PDE4D: variants seen among roughly 807,000 people sequenced by gnomAD.
PDE4D encodes the protein 3',5'-cyclic-AMP phosphodiesterase 4D.
Under a neutral mutation model 87.4 loss-of-function variants are expected in PDE4D, and 24 were observed. That is an observed-to-expected ratio of 0.27 (90% CI 0.20 to 0.39). The LOEUF (loss-of-function observed/expected upper bound fraction) is 0.39. PDE4D is among the 10% of genes least tolerant of loss of function. PDE4D has a pLI of 1.00. For synonymous variants in PDE4D, 384 were observed against 383.2 expected (o/e 1.00, Z -0.02); for missense variants, 714 against 1,041.0 (o/e 0.69, Z 4.32).
chr5:59,267,789 A>G (rs1019185082), intron 1 of PDE4D, among the ~76,000 whole-genome samples: 5 of 152,116 alleles, frequency 3.3e-5, no homozygotes, highest in East Asian at 1.9e-4. Flanking sequence ...ACTTTGGAAG[A>G]TGCAATCCTT....
At chr5:59,555,504 G>T (rs1242105487) in intron 1 of PDE4D, among the ~76,000 whole-genome samples, 4 of 152,024 alleles carry the variant, frequency 2.6e-5, no homozygotes, top group African/African-American at 9.7e-5. Context: ...TAAAATAAAA[G>T]TTTTGTTTTT....
At chr5:59,057,239 G>C (rs1762504804) in intron 5 of PDE4D, among the ~76,000 whole-genome samples, 1 of 152,174 alleles carries the variant, frequency 6.6e-6, no homozygotes, top group African/African-American at 2.4e-5. Context: ...TGCTGGGGCA[G>C]TGAGGGACCT....
chr5:60,039,439 G>C (rs1266841478), intron 2 of PDE4D, among the ~76,000 whole-genome samples: 1 of 150,294 alleles, frequency 6.7e-6, no homozygotes, highest in Non-Finnish European at 1.5e-5. Context: ...CTGTTGTGGG[G>C]TGGTGGGAGG....
At chr5:60,505,110 A>T (rs1414458413) in intron 1 of PDE4D, among the ~76,000 whole-genome samples, 1 of 152,234 alleles carries the variant, frequency 6.6e-6, no homozygotes, top group Non-Finnish European at 1.5e-5. Flanking sequence ...CCCTAGAGGG[A>T]GAAAAAGAGA....
intron 1 of PDE4D, among the ~76,000 whole-genome samples, chr5:59,226,658 A>T (rs1342473776): frequency 6.6e-6 from 1 of 152,156 alleles, no homozygotes; most frequent in Non-Finnish European, 1.5e-5. Context: ...TGTTTTTAGC[A>T]CAATAAAGCA....
chr5:59,508,836 G>T (rs1418653495), intron 1 of PDE4D, among the ~76,000 whole-genome samples: 1 of 151,978 alleles, frequency 6.6e-6, no homozygotes, highest in Non-Finnish European at 1.5e-5. Context: ...AGACTCTACT[G>T]AAGGTTGAAT....
intron 5 of PDE4D, among the ~76,000 whole-genome samples, chr5:59,156,475 T>C (rs1380353896): frequency 6.6e-6 from 1 of 151,228 alleles, no homozygotes; most frequent in Admixed American, 6.6e-5. Flanking sequence ...AAGGAGTGGG[T>C]GTACTATTCC....
At chr5:60,492,339 A>G (rs903615920), upstream of PDE4D, among the ~76,000 whole-genome samples, 141 of 152,206 alleles carry the variant, frequency 9.3e-4, no homozygotes, top group African/African-American at 3.3e-3. Flanking sequence ...TTGGGAGGCC[A>G]AGGTGGGAGG....
chr5:60,247,365 G>A (rs1747903698), intron 1 of PDE4D, among the ~76,000 whole-genome samples: 1 of 151,974 alleles, frequency 6.6e-6, no homozygotes, highest in Non-Finnish European at 1.5e-5. Context: ...ATGATAGTAA[G>A]ATTATTAGCC....
At chr5:59,237,900 A>T (rs1756829406) in intron 1 of PDE4D, among the ~76,000 whole-genome samples, 1 of 151,654 alleles carries the variant, frequency 6.6e-6, no homozygotes, top group African/African-American at 2.4e-5. Flanking sequence ...TTTGCTTCTT[A>T]ATTTTGTGGG....
At chr5:59,201,258 CT>C (rs1287400846) in intron 2 of PDE4D, among the ~76,000 whole-genome samples, 1 of 151,936 alleles carries the variant, frequency 6.6e-6, no homozygotes, top group Non-Finnish European at 1.5e-5. Context: ...ACATGAGAAA[CT>C]GGGCTGCACA....
chr5:59,975,633 C>T (rs1335433725), intron 3 of PDE4D, among the ~76,000 whole-genome samples: 1 of 152,142 alleles, frequency 6.6e-6, no homozygotes, highest in Non-Finnish European at 1.5e-5. Flanking sequence ...CAACTGTTTG[C>T]CTTTTCAGTG....
rs1473736921 is a variant in PDE4D, at chr5:59,904,891, A to G, written c.272+83597T>C. Among the ~76,000 whole-genome samples the G allele has an allele frequency of 2.6e-5, 4 of 152,302 alleles. No individual in the cohort carries two copies. The East Asian group carries it at 7.7e-4, about 29-fold the overall frequency. On this transcript the variant is annotated intron_variant, in intron 3 of 16. Coordinates refer to the PDE4D transcript ENST00000502484. The stretch of plus-strand genomic sequence containing the variant: ...TGTTAAATTTCCAAGTAACTTGGTA[A>G]GTAAAAGAAAAGAAAATAAGAACTT...
chr5:59,330,104 C>A (rs577353133), intron 1 of PDE4D, among the ~76,000 whole-genome samples: 1 of 152,112 alleles, frequency 6.6e-6, no homozygotes, highest in Non-Finnish European at 1.5e-5. Context: ...ATATGTTCAT[C>A]ACGTTAATTA....
intron 2 of PDE4D, among the ~76,000 whole-genome samples, chr5:60,154,317 C>T (rs943018875): frequency 6.6e-6 from 1 of 151,948 alleles, no homozygotes; most frequent in African/African-American, 2.4e-5. Flanking sequence ...CAGTCTCTTG[C>T]CCAGGCTGGA....
intron 1 of PDE4D, among the ~76,000 whole-genome samples, chr5:59,708,243 G>A (rs924281543): frequency 6.6e-6 from 1 of 151,952 alleles, no homozygotes; most frequent in Non-Finnish European, 1.5e-5. Flanking sequence ...TTTGTTGGCT[G>A]CATGAATGTC....
At chr5:59,051,958 C>T (rs867426732) in intron 5 of PDE4D, among the ~76,000 whole-genome samples, 5 of 151,746 alleles carry the variant, frequency 3.3e-5, no homozygotes, top group African/African-American at 1.2e-4. Context: ...TTCTTTCTCT[C>T]TTTTTCCCCC....
rs1022709405 is a variant in PDE4D at position 60,050,400 on chromosome 5, A to G, written c.43-61683T>C. Reference sequence around the variant, plus strand: ...ATCTTGGCTCCTCCCCCAGGAAAAGAATTTTCAACCCAGAATTTCATATCC... The same window carrying G: ...ATCTTGGCTCCTCCCCCAGGAAAAGGATTTTCAACCCAGAATTTCATATCC... On this transcript the variant is annotated intron_variant, in intron 2 of 16. Transcript: ENST00000502484. Among the ~76,000 whole-genome samples, 6 of 152,326 alleles carry G rather than the reference A, an allele frequency of 3.9e-5. No individual in the cohort carries two copies. The East Asian group carries it at 1.2e-3, about 29-fold the overall frequency.
chr5:59,040,008 C>T (rs975908387), intron 5 of PDE4D: 1 of 152,564 alleles, frequency 6.6e-6, no homozygotes, highest in African/African-American at 2.4e-5. Flanking sequence ...TCCAGGTTGC[C>T]CAGACCGCTG....
Sources: gnomAD v4.1 joint callset for allele counts (sites outside exome capture counted in the v4.1 genomes callset) on GRCh38, gnomAD v4.1.1 for gene constraint, MANE v1.5 for transcripts, NCBI Gene and HGNC (gene_info 2026-07-23, HGNC 2026-07-21) for gene names.